BCAS3: variants seen among roughly 807,000 people sequenced by gnomAD.
BCAS3 encodes BCAS3 microtubule associated cell migration factor, also known as BCAS4/BCAS3 fusion.
In BCAS3, 53 loss-of-function variants were observed where a neutral mutation model predicts 116.1. The ratio of observed to expected loss-of-function variants is 0.46; its 90% confidence interval spans 0.37 to 0.57. BCAS3 has a LOEUF of 0.57. BCAS3 is among the 20% of genes least tolerant of loss of function. BCAS3 has a pLI of 0.00. For missense variants in BCAS3, 917 were observed against 1,165.4 expected (o/e 0.79, Z 3.10); for synonymous variants, 391 against 408.2 (o/e 0.96, Z 0.51).
intron 23 of BCAS3, chr17:61,389,987 A>T (rs2060046752): frequency 6.6e-6 from 1 of 152,284 alleles, no homozygotes; most frequent in South Asian, 2.1e-4. Flanking sequence ...AGCCTTCCCC[A>T]TCCTGGTGGC....
intron 6 of BCAS3, among the ~76,000 whole-genome samples, chr17:60,765,038 G>A (rs1329965347): frequency 1.3e-5 from 2 of 151,976 alleles, no homozygotes; most frequent in Non-Finnish European, 2.9e-5. Flanking sequence ...CTTTCCATTT[G>A]CTTGGTAGAA....
rs557778400 is a variant in BCAS3, at chr17:61,254,953, T to G, written c.2426-113374T>G. Among the ~76,000 whole-genome samples the G allele has an allele frequency of 5.9e-5, 9 of 152,210 alleles. No homozygotes were observed. In the South Asian group the frequency reaches 1.7e-3, roughly 28 times the overall value. On this transcript the variant is annotated intron_variant, in intron 22 of 23. Transcript: ENST00000407086. ...ACATTTTAGCTTTTTCCTTTTAAAT[T>G]TTTAAAATTCTGACATTGCCTGGTT...
In BCAS3 at chr17:61,051,074, A is replaced by G. The variant is rs1471168212; in HGVS notation, c.2029+10182A>G. On this transcript the variant is annotated intron_variant, in intron 19 of 23. Coordinates refer to ENST00000407086, the MANE Select transcript of BCAS3 (RefSeq NM_017679.5). This position sits in a 1 kb window ranked among gnomAD's most constrained non-coding sequence, Gnocchi z 4.1. The stretch of plus-strand genomic sequence containing the variant: ...GGAATTAAGAAATTATTTTTGACTG[A>G]ATGAGATTGAAATCAGATATACCCA... 6.6e-6 allele frequency among the ~76,000 whole-genome samples: 1 copy of G among 152,054 alleles called. No individual in the cohort carries two copies. The highest frequency in any genetic ancestry group is 2.4e-5 in the African/African-American group (1 of 41,446).
Position 61,363,162 on chromosome 17 carries a change from T to C in BCAS3, c.2426-5165T>C, listed in dbSNP as rs1259602869. 6.6e-6 allele frequency among the ~76,000 whole-genome samples: 1 copy of C among 152,206 alleles called. No individual in the cohort carries two copies. Among genetic ancestry groups the C allele is most frequent in the Non-Finnish European group, 1.5e-5 (1 of 68,038 alleles). ...GGCCACAGGAATGATCTAATTAACC[T>C]GGGGTCCACAGGTGGGTTTCAGAGG... On this transcript the variant is annotated intron_variant, in intron 22 of 23. Transcript: ENST00000407086. This position sits in a 1 kb window ranked among gnomAD's most constrained non-coding sequence, Gnocchi z 4.9.
intron 9 of BCAS3, among the ~76,000 whole-genome samples, chr17:60,889,003 C>T (rs745696431): frequency 2.0e-5 from 3 of 152,076 alleles, no homozygotes; most frequent in Non-Finnish European, 2.9e-5. Flanking sequence ...GAAGAGTCAG[C>T]GGCGAAGAAA....
intron 14 of BCAS3, among the ~76,000 whole-genome samples, chr17:60,952,528 CAGG>C (rs2060901296): frequency 6.6e-6 from 1 of 152,076 alleles, no homozygotes; most frequent in African/African-American, 2.4e-5. Flanking sequence ...CTATGTTGGT[CAGG>C]CTGGCCTCAA....
intron 22 of BCAS3, among the ~76,000 whole-genome samples, chr17:61,201,688 A>C (rs1202461610): frequency 6.6e-6 from 1 of 152,106 alleles, no homozygotes; most frequent in Non-Finnish European, 1.5e-5. Flanking sequence ...AATCTGAAAA[A>C]TCCATGGGCT....
Position 61,313,627 on chromosome 17 carries a change from G to A in BCAS3, c.2426-54700G>A, listed in dbSNP as rs888520291. Among the ~76,000 whole-genome samples, 26 of 152,198 alleles carry A rather than the reference G, an allele frequency of 1.7e-4. No homozygotes were observed. Among genetic ancestry groups the A allele is most frequent in the African/African-American group, 4.8e-4 (20 of 41,424 alleles). ...AGCTTGGACTCGGGTCCAGCTCGGC[G>A]TCCTCCCTCGGGTCCTGCTCGCTGA... On this transcript the variant is annotated intron_variant, in intron 22 of 23. Coordinates refer to ENST00000407086, the MANE Select transcript of BCAS3 (RefSeq NM_017679.5). This position sits in a 1 kb window ranked among gnomAD's most constrained non-coding sequence, Gnocchi z 4.3.
chr17:61,107,325 T>A (rs1298919410), intron 22 of BCAS3, among the ~76,000 whole-genome samples: 1 of 152,094 alleles, frequency 6.6e-6, no homozygotes, highest in Non-Finnish European at 1.5e-5. Flanking sequence ...GACCTCATGA[T>A]CCACCTGCCT....
chr17:60,810,141 C>A, intron 7 of BCAS3: 1 of 382,996 alleles, frequency 2.6e-6, no homozygotes. Flanking sequence ...GAGTCCTGTC[C>A]TCTCACTCTC....
At chr17:60,693,638 C>T (rs992810450) in intron 4 of BCAS3, among the ~76,000 whole-genome samples, 5 of 151,352 alleles carry the variant, frequency 3.3e-5, no homozygotes, top group African/African-American at 9.8e-5. Context: ...GTCTCAAACT[C>T]CTGGGCTCAA....
rs1948039351 is a variant in BCAS3 at position 61,019,888 on chromosome 17, A to T, written c.1637+3987A>T. On this transcript the variant is annotated intron_variant, in intron 16 of 23. Transcript: ENST00000407086. The surrounding 1 kb of genome is among the most constrained non-coding windows in gnomAD (Gnocchi z 5.6). ...TCATTTACTCAAGCTTTGCTTTTAT[A>T]AAATTCCTTTCCTAGTATTTTTAAA... 6.6e-6 allele frequency among the ~76,000 whole-genome samples: 1 copy of T among 152,220 alleles called. No individual in the cohort carries two copies. Among genetic ancestry groups the T allele is most frequent in the South Asian group, 2.1e-4 (1 of 4,834 alleles).
intron 22 of BCAS3, among the ~76,000 whole-genome samples, chr17:61,183,233 T>G (rs1394193364): frequency 6.6e-6 from 1 of 152,100 alleles, no homozygotes; most frequent in African/African-American, 2.4e-5. Flanking sequence ...AATTTGCCAT[T>G]TTGTTTGTCA....
chr17:61,050,094 T>G (rs898912956), intron 19 of BCAS3, among the ~76,000 whole-genome samples: 4 of 152,034 alleles, frequency 2.6e-5, no homozygotes, highest in Admixed American at 6.5e-5. Context: ...ATTCTGCCTT[T>G]GCCCCCTAAA....
At chr17:60,945,790 G>A (rs2060457297) in intron 13 of BCAS3, among the ~76,000 whole-genome samples, 1 of 149,178 alleles carries the variant, frequency 6.7e-6, no homozygotes, top group South Asian at 2.1e-4. Flanking sequence ...GACAGAGCGA[G>A]ACTGTCTCAA....
At position 60,964,506 on chromosome 17, in the gene BCAS3, G is replaced by T. The variant is rs1456021615; in HGVS notation, c.1221+17154G>T. On this transcript the variant is annotated intron_variant, in intron 14 of 23. Transcript: ENST00000407086. The surrounding 1 kb of genome is among the most constrained non-coding windows in gnomAD (Gnocchi z 4.6). ...TGGCCTGTAGTTTTCTTTTCTTGTT[G>T]TCGTGTCCTTATCTGATTTTACTGT... is the stretch of plus-strand genomic sequence containing the variant. Among the ~76,000 whole-genome samples the T allele has an allele frequency of 6.6e-6, 1 of 152,016 alleles. No homozygotes were observed. Among genetic ancestry groups the T allele is most frequent in the Non-Finnish European group, 1.5e-5 (1 of 67,992 alleles).
Position 61,228,286 on chromosome 17 carries a change from C to T in BCAS3, c.2426-140041C>T, listed in dbSNP as rs963787682. On this transcript the variant is annotated intron_variant, in intron 22 of 23. Transcript: ENST00000407086. This position sits in a 1 kb window ranked among gnomAD's most constrained non-coding sequence, Gnocchi z 5.0. ...GAGAAATTATGAAGGCGACTATAGA[C>T]ACATCAAAATCTATTACCAGAAAAG... 2.0e-5 allele frequency among the ~76,000 whole-genome samples: 3 copies of T among 152,002 alleles called. No homozygotes were observed. The highest frequency in any genetic ancestry group is 4.4e-5 in the Non-Finnish European group (3 of 68,028).
At chr17:60,689,229 G>A (rs572620381) in intron 3 of BCAS3, among the ~76,000 whole-genome samples, 110 of 152,102 alleles carry the variant, frequency 7.2e-4, no homozygotes, top group African/African-American at 2.5e-3. Flanking sequence ...GCTGGAGTGC[G>A]GTGGCACGAT....
chr17:61,011,534 C>T (rs1052831143), intron 15 of BCAS3, among the ~76,000 whole-genome samples: 4 of 152,064 alleles, frequency 2.6e-5, no homozygotes, highest in Non-Finnish European at 5.9e-5. Context: ...TGAGTCCCCT[C>T]CAGAATTATT....
Sources: allele counts gnomAD v4.1 joint callset (sites outside exome capture counted in the v4.1 genomes callset), GRCh38; gene constraint gnomAD v4.1.1; non-coding constraint Gnocchi (gnomAD v3.1); transcripts MANE v1.5; gene names NCBI Gene and HGNC (gene_info 2026-07-23, HGNC 2026-07-21).